The following ATXN7 variants were observed in gnomAD, a reference collection of about 807,000 sequenced individuals.
ATXN7 encodes the protein ataxin-7.
ATXN7 carries 12 observed loss-of-function variants against 70.5 expected under a neutral mutation model. The ratio of observed to expected loss-of-function variants is 0.17; its 90% CI spans 0.11 to 0.28. The LOEUF (loss-of-function observed/expected upper bound fraction) is 0.28, where lower values mean the gene tolerates loss of function less well. Among genes scored for constraint, ATXN7 ranks in the 10% least tolerant of loss-of-function variants. The probability of loss-of-function intolerance (pLI) is 1.00; values close to 1 mark genes in which losing one functional copy is unlikely to be tolerated. For synonymous variants in ATXN7, 498 were observed against 448.7 expected (o/e 1.11, Z -1.39); for missense variants, 1,256 against 1,131.7 (o/e 1.11, Z -1.58).
intron 5 of ATXN7, among the ~76,000 whole-genome samples, chr3:63,955,435 T>C (rs1236788073): frequency 2.0e-5 from 3 of 151,994 alleles, no homozygotes; most frequent in African/African-American, 7.3e-5. Flanking sequence ...CTGCATGAAG[T>C]AGAGGGAGGC....
chr3:63,888,407 A>G (rs1703151595), intron 1 of ATXN7, among the ~76,000 whole-genome samples: 1 of 152,212 alleles, frequency 6.6e-6, no homozygotes, highest in South Asian at 2.1e-4. Context: ...TAAAGTACAT[A>G]TATGGTTCTG....
At chr3:63,907,642 T>C (rs1026094097) in intron 2 of ATXN7, among the ~76,000 whole-genome samples, 4 of 148,812 alleles carry the variant, frequency 2.7e-5, no homozygotes, top group African/African-American at 7.4e-5. Flanking sequence ...TTTTTTTTTT[T>C]CAGTAGAGAC....
rs146668060 is a variant in ATXN7 at position 63,906,011 on chromosome 3, TA to T, written c.-11-6576del. ...CTAGAAGTCATCTGGGGTAAGGTCT[TA>T]CCCTTTATATTTCTTTGAATGTGTA... On this transcript the variant is annotated intron_variant, in intron 2 of 12. Transcript: ENST00000674280. Among the ~76,000 whole-genome samples, 114 of 152,336 alleles carry T rather than the reference TA, an allele frequency of 7.5e-4. 2 individuals are homozygous for T. In the East Asian group the frequency reaches 0.018, roughly 23 times the overall value.
At chr3:63,993,060 G>A (rs1286921219) in intron 11 of ATXN7, among the ~76,000 whole-genome samples, 4 of 152,268 alleles carry the variant, frequency 2.6e-5, no homozygotes, top group Admixed American at 1.3e-4. Flanking sequence ...AGTGAGGTGG[G>A]AATTGAGTAT....
chr3:63,960,663 A>C (rs2075113929), intron 5 of ATXN7, among the ~76,000 whole-genome samples: 1 of 152,182 alleles, frequency 6.6e-6, no homozygotes, highest in South Asian at 2.1e-4. Flanking sequence ...TTTTTGGCTC[A>C]AGCAGCTGGA....
At chr3:63,928,678 T>C (rs1298826028) in intron 4 of ATXN7, among the ~76,000 whole-genome samples, 1 of 152,164 alleles carries the variant, frequency 6.6e-6, no homozygotes, top group Non-Finnish European at 1.5e-5. Flanking sequence ...ATCTCACTGC[T>C]TATGAGTGGC....
chr3:63,865,959 T>A (rs1270579468), intron 1 of ATXN7, among the ~76,000 whole-genome samples: 1 of 151,368 alleles, frequency 6.6e-6, no homozygotes, highest in Non-Finnish European at 1.5e-5. Context: ...AAGTTTTTTT[T>A]AAGTGTTTCT....
At chr3:63,984,792 C>T (rs1342948020) in intron 8 of ATXN7, among the ~76,000 whole-genome samples, 1 of 152,190 alleles carries the variant, frequency 6.6e-6, no homozygotes, top group Non-Finnish European at 1.5e-5. Context: ...TTATTTCGCT[C>T]TCCCTTCAGC....
chr3:63,979,386 T>G (rs1296117127), intron 5 of ATXN7, among the ~76,000 whole-genome samples: 1 of 152,190 alleles, frequency 6.6e-6, no homozygotes, highest in Non-Finnish European at 1.5e-5. Context: ...AACGATAAGA[T>G]AACCCTAGAA....
At chr3:63,959,569 G>A (rs192542813) in intron 5 of ATXN7, among the ~76,000 whole-genome samples, 26 of 152,204 alleles carry the variant, frequency 1.7e-4, no homozygotes, top group Admixed American at 1.6e-3. Context: ...GACATACAGT[G>A]TATTCATTTT....
chr3:63,870,704 C>G (rs1373880428), intron 1 of ATXN7, among the ~76,000 whole-genome samples: 1 of 152,076 alleles, frequency 6.6e-6, no homozygotes, highest in Non-Finnish European at 1.5e-5. Context: ...GCTTAATGTT[C>G]CTATTAATCC....
Position 63,919,764 on chromosome 3 carries a change from C to G in ATXN7, c.394+6539C>G, listed in dbSNP as rs550455665. Among the ~76,000 whole-genome samples the G allele has an allele frequency of 7.7e-5, 9 of 117,054 alleles. No individual in the cohort carries two copies. In the South Asian group the frequency reaches 2.9e-3, roughly 37 times the overall value. 76.8% of individuals were successfully genotyped at this position (117,054 alleles called of 152,430 possible). On this transcript the variant is annotated intron_variant, in intron 4 of 12. Transcript: ENST00000674280. ...ATCCCTCCCCCCTCCCCCCACCCCACAACAGTCCCAGGTGTGTGACTTTTT... is the reference window on the plus strand; with the variant it reads ...ATCCCTCCCCCCTCCCCCCACCCCAGAACAGTCCCAGGTGTGTGACTTTTT...
At chr3:63,871,840 T>C (rs578173138) in intron 1 of ATXN7, among the ~76,000 whole-genome samples, 7 of 151,564 alleles carry the variant, frequency 4.6e-5, no homozygotes, top group African/African-American at 1.7e-4. Flanking sequence ...TAAACATTAT[T>C]ATAATCTGGT....
chr3:63,871,399 C>G (rs1253243483), intron 1 of ATXN7, among the ~76,000 whole-genome samples: 1 of 152,060 alleles, frequency 6.6e-6, no homozygotes, highest in East Asian at 1.9e-4. Context: ...TGCTACGTAT[C>G]TTTTGGATAA....
At chr3:63,924,877 TGAG>T (rs550378239) in intron 4 of ATXN7, among the ~76,000 whole-genome samples, 115 of 152,192 alleles carry the variant, frequency 7.6e-4, no homozygotes, top group African/African-American at 2.7e-3. Context: ...AAGGGAATGA[TGAG>T]GAGGTTTGTT....
chr3:63,908,632 T>C (rs1045236070), intron 2 of ATXN7, among the ~76,000 whole-genome samples: 24 of 152,248 alleles, frequency 1.6e-4, no homozygotes, highest in African/African-American at 5.3e-4. Context: ...TTTTTCCAAT[T>C]GAAGACGGTT....
chr3:63,986,409 G>C (rs1414953515), intron 8 of ATXN7, among the ~76,000 whole-genome samples: 1 of 152,160 alleles, frequency 6.6e-6, no homozygotes, highest in African/African-American at 2.4e-5. Flanking sequence ...AAATGTATCT[G>C]CCTGCTTTCT....
intron 10 of ATXN7, 90 bp from the exon 11 acceptor site, chr3:63,990,648 T>C (rs1451154692): frequency 2.6e-5 from 41 of 1,591,526 alleles, no homozygotes; most frequent in Non-Finnish European, 3.4e-5. Context: ...CTGTCTTTCC[T>C]GATTAGCTCC....
At chr3:63,919,456 T>A (rs1704419846) in intron 4 of ATXN7, among the ~76,000 whole-genome samples, 1 of 152,154 alleles carries the variant, frequency 6.6e-6, no homozygotes, top group Admixed American at 6.5e-5. Flanking sequence ...GGGAGAATCT[T>A]CAAAATAATA....
Sources: gnomAD v4.1 joint callset for allele counts (sites outside exome capture counted in the v4.1 genomes callset) on GRCh38, gnomAD v4.1.1 for gene constraint, MANE v1.5 for transcripts, NCBI Gene and HGNC (gene_info 2026-07-23, HGNC 2026-07-21) for gene names.